Variants in CFAP20DC observed in about 807,000 individuals in gnomAD.
CFAP20DC encodes protein CFAP20DC.
A neutral mutation model predicts 101.7 loss-of-function variants in CFAP20DC; 84 were observed. The ratio of observed to expected loss-of-function variants is 0.83; its 90% CI spans 0.69 to 0.99. The LOEUF (loss-of-function observed/expected upper bound fraction) is 0.99, where lower values mean the gene tolerates loss of function less well. Ranked by LOEUF, CFAP20DC falls within the 50% of genes least tolerant of loss-of-function variation. The probability of loss-of-function intolerance (pLI) is 0.00; values close to 1 mark genes in which losing one functional copy is unlikely to be tolerated. For missense variants in CFAP20DC, 1,007 were observed against 970.3 expected, an observed-to-expected ratio of 1.04 and a Z score of -0.50; for synonymous variants, 359 against 351.2, an observed-to-expected ratio of 1.02 and a Z score of -0.25.
chr3:58,787,625 G>A (rs1054223919), intron 15 of CFAP20DC, among the ~76,000 whole-genome samples: 1 of 152,012 alleles, frequency 6.6e-6, no homozygotes, highest in African/African-American at 2.4e-5. Flanking sequence ...ATTTGACCCA[G>A]CAATCCCATT....
Position 58,721,880 on chromosome 3 carries a change from G to A in CFAP20DC, c.198-4252C>T, listed in dbSNP as rs1182774248. ...TTGATTTTATTTTCCTAAGATTGTG[G>A]CAACACGAACTCCCATCCCACAGGC... On this transcript the variant is annotated intron_variant, in intron 3 of 3. Transcript: ENST00000486145. The surrounding 1 kb of genome is among the most constrained non-coding windows in gnomAD (Gnocchi z 5.2). 2.6e-5 allele frequency among the ~76,000 whole-genome samples: 4 copies of A among 152,188 alleles called. No individual in the cohort carries two copies. The highest frequency in any genetic ancestry group is 5.9e-5 in the Non-Finnish European group (4 of 68,032).
At chr3:58,983,113 C>CTTGAG (rs2092631060) in intron 4 of CFAP20DC, among the ~76,000 whole-genome samples, 2 of 152,162 alleles carry the variant, frequency 1.3e-5, no homozygotes, top group Non-Finnish European at 2.9e-5. Context: ...AATGATGGTA[C>CTTGAG]TTGAGACAGC....
chr3:58,951,415 C>T (rs1001875584), intron 4 of CFAP20DC, among the ~76,000 whole-genome samples: 2 of 152,038 alleles, frequency 1.3e-5, no homozygotes, highest in Non-Finnish European at 2.9e-5. Flanking sequence ...GGGTATATAC[C>T]CAAAGGATTA....
intron 4 of CFAP20DC, among the ~76,000 whole-genome samples, chr3:58,962,183 C>T (rs897520541): frequency 7.9e-5 from 12 of 152,164 alleles, no homozygotes; most frequent in African/African-American, 2.7e-4. Flanking sequence ...ACTACTTTGG[C>T]TACATTTCAT....
rs573965927 is a variant in CFAP20DC at position 58,724,791 on chromosome 3, G to C, written c.198-7163C>G. 6.6e-6 allele frequency among the ~76,000 whole-genome samples: 1 copy of C among 152,050 alleles called. No homozygotes were observed. Among genetic ancestry groups the C allele is most frequent in the Non-Finnish European group, 1.5e-5 (1 of 68,008 alleles). Reference sequence around the variant, plus strand: ...CTCTTCTCAATCCTTTGTCGCCACCGGACTTCGGGTACCCTACGGGTGGGT... The same window carrying C: ...CTCTTCTCAATCCTTTGTCGCCACCCGACTTCGGGTACCCTACGGGTGGGT... On this transcript the variant is annotated intron_variant, in intron 3 of 3. Transcript: ENST00000486145. This position sits in a 1 kb window ranked among gnomAD's most constrained non-coding sequence, Gnocchi z 5.6.
intron 16 of CFAP20DC, among the ~76,000 whole-genome samples, 174 bp from the exon 17 acceptor site, chr3:58,742,746 T>G (rs9868387): frequency 0.12 from 18,071 of 152,126 alleles, 1,923 homozygotes; most frequent in East Asian, 0.35. Flanking sequence ...AACATGTGGT[T>G]CCAGGTGGAG....
At chr3:58,852,529 A>C (rs1201813509) in intron 12 of CFAP20DC, among the ~76,000 whole-genome samples, 1 of 152,126 alleles carries the variant, frequency 6.6e-6, no homozygotes, top group Non-Finnish European at 1.5e-5. Context: ...AAATCAACAG[A>C]ATACACATTT....
At chr3:58,981,163 C>A (rs907736638) in intron 4 of CFAP20DC, among the ~76,000 whole-genome samples, 1 of 152,134 alleles carries the variant, frequency 6.6e-6, no homozygotes, top group Non-Finnish European at 1.5e-5. Context: ...TGTGAAGGAT[C>A]TCTTTAAGGA....
intron 4 of CFAP20DC, among the ~76,000 whole-genome samples, chr3:58,939,016 T>C (rs1160502861): frequency 6.6e-6 from 1 of 152,190 alleles, no homozygotes; most frequent in South Asian, 2.1e-4. Context: ...GTATCACATT[T>C]ACCCTAAGGC....
chr3:59,008,590 T>G (rs943005640), intron 4 of CFAP20DC, among the ~76,000 whole-genome samples: 12 of 152,134 alleles, frequency 7.9e-5, no homozygotes, highest in African/African-American at 2.9e-4. Flanking sequence ...ACCATCATTC[T>G]CAGCAAAACT....
chr3:58,980,919 C>T, intron 4 of CFAP20DC, among the ~76,000 whole-genome samples: 1 of 152,084 alleles, frequency 6.6e-6, no homozygotes, highest in Admixed American at 6.6e-5. Context: ...ACAAATTGTC[C>T]CTGTTTGCAG....
intron 4 of CFAP20DC, among the ~76,000 whole-genome samples, chr3:58,991,433 G>C (rs2092933605): frequency 6.6e-6 from 1 of 152,164 alleles, no homozygotes; most frequent in Non-Finnish European, 1.5e-5. Context: ...CAATATGAAT[G>C]AATCACACTC....
chr3:58,935,189 G>T (rs1286558096), intron 5 of CFAP20DC, among the ~76,000 whole-genome samples: 13 of 152,132 alleles, frequency 8.5e-5, no homozygotes, highest in Middle Eastern at 3.4e-3. Context: ...TCAAAGAGAA[G>T]AAAACACCTA....
At chr3:58,989,192 A>T (rs1051152282) in intron 4 of CFAP20DC, among the ~76,000 whole-genome samples, 1 of 152,040 alleles carries the variant, frequency 6.6e-6, no homozygotes. Flanking sequence ...TAAAATTAGG[A>T]CTAGTTGAAA....
intron 14 of CFAP20DC, among the ~76,000 whole-genome samples, chr3:58,829,954 G>A (rs1336471891): frequency 6.6e-6 from 1 of 152,122 alleles, no homozygotes; most frequent in Non-Finnish European, 1.5e-5. Context: ...TATTTTATAA[G>A]AAAGGCAATG....
Position 58,903,355 on chromosome 3 carries a change from T to C in CFAP20DC, c.550+10353A>G, listed in dbSNP as rs868858724. Among the ~76,000 whole-genome samples, 8 of 152,196 alleles carry C rather than the reference T, an allele frequency of 5.3e-5. No individual in the cohort carries two copies. The South Asian group carries it at 1.0e-3, about 20-fold the overall frequency. On this transcript the variant is annotated intron_variant, in intron 6 of 16. Transcript: ENST00000482387. ...TATGTGGTAGGAGTCCACCTCATTT[T>C]TTTGCATGTGGATATACAGAATCAT...
At chr3:58,925,555 G>C (rs1024469455) in intron 5 of CFAP20DC, among the ~76,000 whole-genome samples, 1 of 152,168 alleles carries the variant, frequency 6.6e-6, no homozygotes, top group African/African-American at 2.4e-5. Context: ...AGAGGTTTAT[G>C]ATGATACCAT....
At chr3:58,932,816 A>G (rs1225474326) in intron 5 of CFAP20DC, among the ~76,000 whole-genome samples, 1 of 152,240 alleles carries the variant, frequency 6.6e-6, no homozygotes, top group East Asian at 1.9e-4. Flanking sequence ...CAACTGCAAA[A>G]TCATGCCAAA....
chr3:58,760,565 C>A (rs1249484595), intron 15 of CFAP20DC, among the ~76,000 whole-genome samples: 2 of 152,118 alleles, frequency 1.3e-5, no homozygotes, highest in African/African-American at 4.8e-5. Flanking sequence ...GAACTTCCAA[C>A]ACTATGTTGA....
Sources: gnomAD v4.1 joint callset for allele counts (sites outside exome capture counted in the v4.1 genomes callset) on GRCh38, gnomAD v4.1.1 for gene constraint, Gnocchi (gnomAD v3.1) non-coding constraint, MANE v1.5 for transcripts, NCBI Gene and HGNC (gene_info 2026-07-23, HGNC 2026-07-21) for gene names.